CALHM4: variants seen among roughly 807,000 people sequenced by gnomAD.
CALHM4 encodes the protein calcium homeostasis modulator protein 4.
In CALHM4, 16 loss-of-function variants were observed where a neutral mutation model predicts 13.3. That is an observed-to-expected ratio of 1.20 (90% confidence interval 0.81 to 1.82). The LOEUF (loss-of-function observed/expected upper bound fraction) is 1.82, where lower values mean the gene tolerates loss of function less well. Ranked by LOEUF, CALHM4 falls within the 40% of genes most tolerant of loss-of-function variation. CALHM4 has a pLI of 0.00. For missense variants in CALHM4, 344 were observed against 374.9 expected (o/e 0.92, Z 0.68); for synonymous variants, 127 against 137.1 (o/e 0.93, Z 0.52).
rs532429144 is a variant in CALHM4, at chr6:116,539,924, T to A, written c.-108-3841T>A. ...TATGAAAGTTCTTAGAACAAATATA[T>A]TTACAGGAAGTTCTGTTTTTCTCTT... On this transcript the variant is annotated intron_variant, in intron 1 of 2. Transcript: ENST00000368597. 2.0e-5 allele frequency among the ~76,000 whole-genome samples: 3 copies of A among 152,322 alleles called. No individual in the cohort carries two copies. In the South Asian group the frequency reaches 6.2e-4, roughly 32 times the overall value.
intron 1 of CALHM4, among the ~76,000 whole-genome samples, chr6:116,537,338 G>A (rs1166321299): frequency 6.6e-6 from 1 of 152,116 alleles, no homozygotes; most frequent in African/African-American, 2.4e-5. Flanking sequence ...TTTCTAATAG[G>A]GGAGAATCAA....
exon 2 of CALHM4, chr6:116,543,796 G>A: frequency 1.3e-6 from 2 of 1,531,214 alleles, no homozygotes; most frequent in Non-Finnish European, 1.7e-6. Context: ...GACTTCTCAG[G>A]CGTCTGCACA....
intron 1 of CALHM4, among the ~76,000 whole-genome samples, chr6:116,543,114 C>T (rs540469071): frequency 2.0e-4 from 30 of 152,234 alleles, no homozygotes; most frequent in African/African-American, 7.2e-4. Context: ...GGAAAAAAAT[C>T]CTTCCTATTA....
At position 116,542,906 on chromosome 6, in the gene CALHM4, G is replaced by A. The variant is rs1321873669; in HGVS notation, c.-108-859G>A. 2.0e-5 allele frequency among the ~76,000 whole-genome samples: 3 copies of A among 152,036 alleles called. 1 individual carries two copies. Among genetic ancestry groups the A allele is most frequent in the Non-Finnish European group, 4.4e-5 (3 of 67,956 alleles). On this transcript the variant is annotated intron_variant, in intron 1 of 2. Coordinates refer to the CALHM4 transcript ENST00000368597. ...TATATCTTTCAATAGATGGTCTGTG[G>A]TTGTGTAAGCATATATTTATATTGG... is the stretch of plus-strand genomic sequence containing the variant.
rs1459861008 is a variant in CALHM4, at chr6:116,560,691, C to T, written c.*2480C>T. 6.6e-6 allele frequency among the ~76,000 whole-genome samples: 1 copy of T among 150,746 alleles called. No homozygotes were observed. Among genetic ancestry groups the T allele is most frequent in the African/African-American group, 2.4e-5 (1 of 40,822 alleles). The stretch of plus-strand genomic sequence containing the variant: ...TATGGTCTATAGCATTTTTTTGCTC[C>T]ACAGCTAGTTAAATGAAACTTTTTC... On this transcript the variant is annotated 3_prime_UTR_variant, in exon 2 of 2. Coordinates refer to ENST00000368596, the MANE Select transcript of CALHM4 (RefSeq NM_001366078.2).
intron 1 of CALHM4, among the ~76,000 whole-genome samples, chr6:116,542,621 G>C (rs918332676): frequency 1.3e-5 from 2 of 152,054 alleles, no homozygotes; most frequent in Middle Eastern, 3.2e-3. Flanking sequence ...ATCATCTGAT[G>C]ATCACATAGT....
At chr6:116,543,296 C>A (rs1773575150) in intron 1 of CALHM4, 15 of 1,541,572 alleles carry the variant, frequency 9.7e-6, no homozygotes, top group Non-Finnish European at 1.1e-5. Flanking sequence ...GAAGGACTTC[C>A]ACTTACATTT....
intron 1 of CALHM4, among the ~76,000 whole-genome samples, chr6:116,531,507 G>A (rs1026295500): frequency 6.6e-6 from 1 of 152,144 alleles, no homozygotes; most frequent in African/African-American, 2.4e-5. Context: ...GAGGGTTCAA[G>A]ATAGACTAAA....
At chr6:116,533,737 C>A (rs1772893696) in intron 1 of CALHM4, among the ~76,000 whole-genome samples, 1 of 152,194 alleles carries the variant, frequency 6.6e-6, no homozygotes. Flanking sequence ...AGGGACACTG[C>A]AGGAAGAAGG....
intron 2 of CALHM4, among the ~76,000 whole-genome samples, chr6:116,544,151 AAGAG>A (rs141606346): frequency 0.011 from 1,459 of 132,966 alleles, 19 homozygotes; most frequent in African/African-American, 0.031. Context: ...AAAGGTGAAG[AAGAG>A]AGAGAGAGAG....
intron 1 of CALHM4, among the ~76,000 whole-genome samples, chr6:116,539,360 A>G (rs1047228640): frequency 2.6e-5 from 4 of 152,224 alleles, no homozygotes; most frequent in Non-Finnish European, 5.9e-5. Context: ...TAACAGTTTC[A>G]ACCACATTAT....
intron 1 of CALHM4, among the ~76,000 whole-genome samples, chr6:116,541,633 T>C (rs1773469775): frequency 6.6e-6 from 1 of 152,130 alleles, no homozygotes; most frequent in Non-Finnish European, 1.5e-5. Context: ...TGGAGAAAAA[T>C]GGTTTATAAT....
intron 2 of CALHM4, among the ~76,000 whole-genome samples, chr6:116,546,393 A>G (rs1773784172): frequency 6.6e-6 from 1 of 152,248 alleles, no homozygotes; most frequent in African/African-American, 2.4e-5. Context: ...AAATCTTTCC[A>G]GAAATGGAAG....
At chr6:116,538,977 G>A (rs1283036316) in intron 1 of CALHM4, among the ~76,000 whole-genome samples, 2 of 151,976 alleles carry the variant, frequency 1.3e-5, no homozygotes, top group African/African-American at 4.8e-5. Flanking sequence ...GAGCTCAAGT[G>A]ATTTGCCCAC....
rs1048670137 is a variant in CALHM4 at position 116,554,342 on chromosome 6, C to T, written c.549C>T (p.Tyr183=). The T allele has an allele frequency of 6.5e-7, 1 of 1,533,626 alleles. No individual in the cohort carries two copies. Among genetic ancestry groups the T allele is most frequent in the African/African-American group, 1.4e-5 (1 of 72,600 alleles). ...VRDEIALLHR[Y]QSQMLGWILI... Reference sequence around the variant, plus strand: ...ATGAAATAGCTCTTCTGCACAGATACCAGTCACAGGTAAGTTTTTAGAATT... The same window carrying T: ...ATGAAATAGCTCTTCTGCACAGATATCAGTCACAGGTAAGTTTTTAGAATT... Residue 183 remains tyrosine, a synonymous_variant, in exon 1 of 2, where the codon TAC becomes TAT. Transcript: ENST00000368596.
At chr6:116,530,806 C>T (rs1288215967) in intron 1 of CALHM4, among the ~76,000 whole-genome samples, 7 of 150,584 alleles carry the variant, frequency 4.6e-5, no homozygotes, top group South Asian at 4.2e-4. Context: ...ACACTAGTTA[C>T]GTGCCCCAAA....
chr6:116,539,874 C>T (rs1773328767), intron 1 of CALHM4, among the ~76,000 whole-genome samples: 1 of 152,148 alleles, frequency 6.6e-6, no homozygotes, highest in Non-Finnish European at 1.5e-5. Context: ...TGGATGATTC[C>T]AAGTTGTCTC....
At chr6:116,552,792 C>T (rs1774134581), upstream of CALHM4, among the ~76,000 whole-genome samples, 1 of 152,068 alleles carries the variant, frequency 6.6e-6, no homozygotes, top group Admixed American at 6.5e-5. Flanking sequence ...AACCAAATAT[C>T]GGCCGGGCGA....
chr6:116,539,042 C>T (rs1359083667), intron 1 of CALHM4, among the ~76,000 whole-genome samples: 2 of 152,090 alleles, frequency 1.3e-5, no homozygotes, highest in East Asian at 3.9e-4. Flanking sequence ...ATTCTCAAAC[C>T]AATCTATCCT....
Sources: gnomAD v4.1 joint callset for allele counts (sites outside exome capture counted in the v4.1 genomes callset) on GRCh38, gnomAD v4.1.1 for gene constraint, MANE v1.5 for transcripts, NCBI Gene and HGNC (gene_info 2026-07-23, HGNC 2026-07-21) for gene names.